Variants in FAM222A observed in about 807,000 individuals in gnomAD.
The protein encoded by FAM222A is family with sequence similarity 222 member A.
A neutral mutation model predicts 25.8 loss-of-function variants in FAM222A; 7 were observed. The ratio of observed to expected loss-of-function variants is 0.27; its 90% CI spans 0.15 to 0.51. The LOEUF is 0.51. Ranked by LOEUF, FAM222A falls within the 20% of genes least tolerant of loss-of-function variation. FAM222A has a pLI of 0.97. For missense variants in FAM222A, 573 were observed against 640.5 expected, an observed-to-expected ratio of 0.89 and a Z score of 1.14; for synonymous variants, 294 against 298.8, an observed-to-expected ratio of 0.98 and a Z score of 0.17.
Position 109,768,258 on chromosome 12 carries a change from T to C in FAM222A, c.329T>C (p.Val110Ala), listed in dbSNP as rs774565291. ...QGLLAIVKAAVSSSSTAAPAG... is the reference protein window; with the variant it reads ...QGLLAIVKAAASSSSTAAPAG... The stretch of plus-strand genomic sequence containing the variant: ...CTTCTGGCCATTGTCAAGGCCGCGG[T>C]TTCCTCCTCCAGCACGGCCGCACCA... The change falls in exon 3 of 3, where the codon GTT becomes GCT. Residue 110 changes from valine (V) to alanine (A), a missense_variant. Val to Ala is a moderately conservative substitution (Grantham distance 64). Coordinates refer to ENST00000538780, the MANE Select transcript of FAM222A (RefSeq NM_032829.3). The C allele has an allele frequency of 7.5e-5, 121 of 1,608,906 alleles. No homozygotes were observed. The Middle Eastern group carries it at 9.9e-4, about 13-fold the overall frequency.
At chr12:109,764,221 T>TAAAAAAAAAAAAAA (rs1565847960) in intron 2 of FAM222A, among the ~76,000 whole-genome samples, 1 of 9,870 alleles carries the variant, frequency 1.0e-4, no homozygotes. Context: ...GACCCTGTCT[T>TAAAAAAAAAAAAAA]CAAAAAAAAA....
At chr12:109,719,457 G>A (rs1887708696) in intron 1 of FAM222A, among the ~76,000 whole-genome samples, 1 of 152,218 alleles carries the variant, frequency 6.6e-6, no homozygotes, top group Admixed American at 6.5e-5. Flanking sequence ...AGGACACCCT[G>A]TCGCCCGTGT....
intron 1 of FAM222A, among the ~76,000 whole-genome samples, chr12:109,723,414 G>C (rs530772714): frequency 6.6e-6 from 1 of 152,310 alleles, no homozygotes; most frequent in East Asian, 1.9e-4. Context: ...GGAGGTTCTG[G>C]CACCTCAGTC....
At chr12:109,739,515 T>C (rs944070960) in intron 1 of FAM222A, among the ~76,000 whole-genome samples, 1 of 152,222 alleles carries the variant, frequency 6.6e-6, no homozygotes, top group African/African-American at 2.4e-5. Context: ...AGTGTTGTTC[T>C]GCCCAATGCT....
At chr12:109,732,124 G>C (rs1887959681) in intron 1 of FAM222A, among the ~76,000 whole-genome samples, 1 of 152,150 alleles carries the variant, frequency 6.6e-6, no homozygotes, top group Non-Finnish European at 1.5e-5. Flanking sequence ...CTAAACCCTG[G>C]GGATAGGGCA....
chr12:109,744,276 G>A (rs769879696), intron 2 of FAM222A, 48 bp downstream of exon 2: 1 of 1,574,282 alleles, frequency 6.4e-7, no homozygotes. Context: ...CGTGGGCAGA[G>A]AACGCCATTC....
intron 1 of FAM222A, among the ~76,000 whole-genome samples, chr12:109,729,666 G>T (rs536529199): frequency 7.9e-5 from 12 of 152,362 alleles, no homozygotes; most frequent in Non-Finnish European, 2.9e-5. Flanking sequence ...ACATGCTGGC[G>T]CATGCCCCAG....
rs1030107713 is a variant in FAM222A at position 109,713,974 on chromosome 12, C to T, written c.-970C>T. Among the ~76,000 whole-genome samples the T allele has an allele frequency of 4.1e-5, 6 of 146,162 alleles. No homozygotes were observed. The highest frequency in any genetic ancestry group is 7.4e-5 in the African/African-American group (3 of 40,754). ...CCGGGCCTGAGACCAGGCGAGGCGCCGGCGCGCGCCAGACGGCGCGAGGCT... is the reference window on the plus strand; with the variant it reads ...CCGGGCCTGAGACCAGGCGAGGCGCTGGCGCGCGCCAGACGGCGCGAGGCT... On this transcript the variant is annotated 5_prime_UTR_variant, in exon 1 of 3. Transcript: ENST00000538780.
chr12:109,723,471 G>A (rs12314487), intron 1 of FAM222A, among the ~76,000 whole-genome samples: 3,837 of 152,156 alleles, frequency 0.025, 128 homozygotes, highest in African/African-American at 0.07. Context: ...ATTATGGTTC[G>A]CCCCACCCAG....
intron 1 of FAM222A, among the ~76,000 whole-genome samples, chr12:109,724,961 T>G (rs1887813931): frequency 6.6e-6 from 1 of 152,096 alleles, no homozygotes; most frequent in Non-Finnish European, 1.5e-5. Flanking sequence ...CTTGTTGGCA[T>G]CCGGAAACCA....
At chr12:109,732,730 CCA>C (rs1483422335) in intron 1 of FAM222A, among the ~76,000 whole-genome samples, 1 of 152,206 alleles carries the variant, frequency 6.6e-6, no homozygotes, top group Non-Finnish European at 1.5e-5. Context: ...GACATGTTCC[CCA>C]CACACGTGTA....
At chr12:109,726,486 G>T (rs578167190) in intron 1 of FAM222A, among the ~76,000 whole-genome samples, 1 of 152,364 alleles carries the variant, frequency 6.6e-6, no homozygotes, top group East Asian at 1.9e-4. Flanking sequence ...TGGCTGCAGA[G>T]CCTGTAACCA....
intron 1 of FAM222A, among the ~76,000 whole-genome samples, chr12:109,737,022 A>G (rs1280709281): frequency 6.6e-6 from 1 of 152,162 alleles, no homozygotes; most frequent in Non-Finnish European, 1.5e-5. Flanking sequence ...TAGAGGAAGG[A>G]TCAAGGAGAG....
intron 1 of FAM222A, among the ~76,000 whole-genome samples, chr12:109,718,946 C>T (rs1333858275): frequency 1.3e-5 from 2 of 152,178 alleles, no homozygotes; most frequent in East Asian, 3.8e-4. Context: ...TATCTGAGTA[C>T]CTACTGCATG....
chr12:109,746,974 G>A (rs1474559133), intron 2 of FAM222A, among the ~76,000 whole-genome samples: 2 of 152,148 alleles, frequency 1.3e-5, no homozygotes, highest in African/African-American at 2.4e-5. Context: ...TACCAGTTGC[G>A]CATCCCAAAT....
In FAM222A at chr12:109,720,111, G is replaced by A. The variant is rs561809465; in HGVS notation, c.-47+5214G>A. 1.5e-5 allele frequency: 15 copies of A among 985,452 alleles called. No homozygotes were observed. In the East Asian group the frequency reaches 1.5e-3, roughly 97 times the overall value. The allele number at this position is 985,452 out of a possible 1,614,324, so 61.0% of individuals were successfully genotyped here. On this transcript the variant is annotated intron_variant, in intron 1 of 2. Coordinates refer to ENST00000538780, the MANE Select transcript of FAM222A (RefSeq NM_032829.3). Reference sequence around the variant, plus strand: ...TTAGCTGAGCCCCTCAGAGCTGGGTGGGCTGGGCTTGAATACAGGCCTGGG... The same window carrying A: ...TTAGCTGAGCCCCTCAGAGCTGGGTAGGCTGGGCTTGAATACAGGCCTGGG...
chr12:109,745,628 C>G (rs932830307), intron 2 of FAM222A, among the ~76,000 whole-genome samples: 4 of 152,176 alleles, frequency 2.6e-5, no homozygotes, highest in African/African-American at 9.7e-5. Context: ...TTAGGTTTTG[C>G]TCACCTGGGC....
intron 1 of FAM222A, among the ~76,000 whole-genome samples, chr12:109,718,191 C>G (rs769468260): frequency 1.3e-5 from 2 of 152,228 alleles, no homozygotes; most frequent in Non-Finnish European, 2.9e-5. Flanking sequence ...CAGAACGGAG[C>G]CTTGAATGAC....
At chr12:109,729,133 G>A (rs1381951033) in intron 1 of FAM222A, among the ~76,000 whole-genome samples, 5 of 152,206 alleles carry the variant, frequency 3.3e-5, no homozygotes, top group Non-Finnish European at 7.4e-5. Flanking sequence ...AGCCATTGCA[G>A]CCACCCTCAG....
Sources: gnomAD v4.1 joint callset for allele counts (sites outside exome capture counted in the v4.1 genomes callset) on GRCh38, gnomAD v4.1.1 for gene constraint, MANE v1.5 for transcripts, NCBI Gene and HGNC (gene_info 2026-07-23, HGNC 2026-07-21) for gene names.